The following DENND5A variants were observed in gnomAD, a reference collection of about 807,000 sequenced individuals.
The protein encoded by DENND5A is DENN domain containing 5A.
In DENND5A, 64 loss-of-function variants were observed where a neutral mutation model predicts 140.3. That is an observed-to-expected ratio of 0.46 (90% confidence interval 0.37 to 0.56). DENND5A has a LOEUF of 0.56. Among genes scored for constraint, DENND5A ranks in the 20% least tolerant of loss-of-function variants. DENND5A has a pLI of 0.00. For synonymous variants in DENND5A, 605 were observed against 607.7 expected (o/e 1.00, Z 0.07); for missense variants, 1,292 against 1,593.8 (o/e 0.81, Z 3.22).
At position 9,143,391 on chromosome 11, in the gene DENND5A, A is replaced by T; in HGVS notation, c.3387+12T>A. On this transcript the variant is annotated intron_variant, in intron 20 of 22. Coordinates refer to ENST00000328194, the MANE Select transcript of DENND5A (RefSeq NM_015213.4). ...AATGTAAGGCCCTGGATTGGAGGGCAGGAAGGCTCACCTCTTTCTCAGGCT... is the reference window on the plus strand; with the variant it reads ...AATGTAAGGCCCTGGATTGGAGGGCTGGAAGGCTCACCTCTTTCTCAGGCT... 6.2e-7 allele frequency: 1 copy of T among 1,611,592 alleles called. No individual in the cohort carries two copies. Among genetic ancestry groups the T allele is most frequent in the Non-Finnish European group, 8.5e-7 (1 of 1,177,656 alleles).
chr11:9,146,282 T>C lies in DENND5A; in HGVS notation c.2858-467A>G, dbSNP rs1847428976. On this transcript the variant is annotated intron_variant, in intron 16 of 22. Coordinates refer to ENST00000328194, the MANE Select transcript of DENND5A (RefSeq NM_015213.4). ...CTTCTAAATTCCAGTCCAGGGCTAC[T>C]TCTATTAAGCCCACAGCCCTAGTCT... 3.9e-5 allele frequency among the ~76,000 whole-genome samples: 6 copies of C among 152,220 alleles called. No individual in the cohort carries two copies. The South Asian group carries it at 1.2e-3, about 32-fold the overall frequency.
In DENND5A at chr11:9,145,073, T is replaced by C; in HGVS notation, c.3044A>G (p.His1015Arg). The C allele has an allele frequency of 6.2e-7, 1 of 1,614,128 alleles. No individual in the cohort carries two copies. The change falls in exon 18 of 23, where the codon CAT (histidine) becomes CGT (arginine). Residue 1015 changes from histidine to arginine, a missense_variant. By Grantham distance (29) the His-to-Arg change is conservative (BLOSUM62 0). Around this residue, in one of 4 missense-constraint regions of DENND5A, gnomAD observed 498 missense variants for 689.7 expected, o/e 0.72. Coordinates refer to ENST00000328194, the MANE Select transcript of DENND5A (RefSeq NM_015213.4). ...LGKLTTVQIG[H>R]DNSGLYAKWL... is the part of the protein sequence containing the mutation. ...TTTGGCATACAGCCCAGAGTTATCA[T>C]GGCCAATCTGGACAGTAGTAAGCTT...
chr11:9,198,378 C>T (rs924502121), intron 4 of DENND5A, among the ~76,000 whole-genome samples: 69 of 151,254 alleles, frequency 4.6e-4, no homozygotes, highest in African/African-American at 1.6e-3. Flanking sequence ...ACTTTGAGGC[C>T]GAGGCGGGTG....
intron 4 of DENND5A, among the ~76,000 whole-genome samples, chr11:9,198,163 C>T (rs2136202822): frequency 6.6e-6 from 1 of 152,224 alleles, no homozygotes; most frequent in South Asian, 2.1e-4. Context: ...TTTTAAAAGA[C>T]TCAGTAGTAC....
At chr11:9,150,031 T>C (rs770054330) in intron 15 of DENND5A, 50 bp downstream of exon 15, 13 of 1,566,604 alleles carry the variant, frequency 8.3e-6, no homozygotes, top group African/African-American at 1.4e-5. Flanking sequence ...TTCCAATCTC[T>C]TCCCTCCATT....
intron 21 of DENND5A, 122 bp downstream of exon 21, chr11:9,142,600 G>T (rs902465450): frequency 4.0e-6 from 5 of 1,262,328 alleles, no homozygotes; most frequent in Non-Finnish European, 5.5e-6. Context: ...GCAAACAAAT[G>T]AGATCTGAGA....
At chr11:9,220,509 T>C (rs1850267756) in intron 1 of DENND5A, among the ~76,000 whole-genome samples, 1 of 151,900 alleles carries the variant, frequency 6.6e-6, no homozygotes, top group African/African-American at 2.4e-5. Flanking sequence ...ATCATGCCAT[T>C]GCACTCCAGT....
intron 4 of DENND5A, among the ~76,000 whole-genome samples, chr11:9,199,489 C>T (rs561447935): frequency 6.6e-6 from 1 of 152,024 alleles, no homozygotes; most frequent in Admixed American, 6.5e-5. Context: ...CAGAATGAGA[C>T]CCTGTCTCAA....
chr11:9,149,379 T>G (rs534195680), intron 15 of DENND5A, among the ~76,000 whole-genome samples: 2 of 152,334 alleles, frequency 1.3e-5, no homozygotes, highest in African/African-American at 4.8e-5. Flanking sequence ...ATGCTCAGCC[T>G]TGGGAAAGGG....
chr11:9,253,642 C>T (rs1851822000), intron 1 of DENND5A, among the ~76,000 whole-genome samples: 1 of 151,998 alleles, frequency 6.6e-6, no homozygotes, highest in African/African-American at 2.4e-5. Context: ...GTGGCTTATA[C>T]CAATAATCCC....
chr11:9,141,678 C>T (rs545458149), intron 22 of DENND5A, among the ~76,000 whole-genome samples: 79 of 152,300 alleles, frequency 5.2e-4, no homozygotes, highest in Admixed American at 1.4e-3. Flanking sequence ...ATAAAAGGTA[C>T]AGTAAAAACA....
At chr11:9,154,165 T>C (rs1847726631) in intron 12 of DENND5A, among the ~76,000 whole-genome samples, 1 of 152,200 alleles carries the variant, frequency 6.6e-6, no homozygotes. Flanking sequence ...TGTCAGATGT[T>C]CAAAATACAA....
chr11:9,264,741 C>A (rs1002158679), intron 1 of DENND5A, among the ~76,000 whole-genome samples: 19 of 152,150 alleles, frequency 1.2e-4, no homozygotes, highest in Non-Finnish European at 2.8e-4. Context: ...GAAGACGTGG[C>A]CACTGCGCAG....
chr11:9,150,813 A>G (rs1847590456), intron 13 of DENND5A, 49 bp from the exon 14 acceptor site: 1 of 1,249,026 alleles, frequency 8.0e-7, no homozygotes, highest in East Asian at 2.4e-5. Flanking sequence ...ATATCCAAAT[A>G]GCTGACTGCC....
rs146191711 is a variant in DENND5A at position 9,148,570 on chromosome 11, G to A, written c.2736-1419C>T. ...GTAAGGAGACAGGTGGGACAGAGGT[G>A]AAGAACCTGAAACCTGTATGTGGGA... is the stretch of plus-strand genomic sequence containing the variant. On this transcript the variant is annotated intron_variant, in intron 15 of 22. Transcript: ENST00000328194. 2.3e-3 allele frequency among the ~76,000 whole-genome samples: 345 copies of A among 152,302 alleles called. 4 individuals are homozygous for A. The highest frequency in any genetic ancestry group is 8.1e-3 in the African/African-American group (336 of 41,562).
At chr11:9,214,192 A>G (rs573741497) in intron 1 of DENND5A, among the ~76,000 whole-genome samples, 1 of 152,264 alleles carries the variant, frequency 6.6e-6, no homozygotes, top group East Asian at 1.9e-4. Context: ...TACTGCTACC[A>G]ACTCACACTT....
At chr11:9,246,956 C>T (rs986411976) in intron 1 of DENND5A, among the ~76,000 whole-genome samples, 2 of 152,050 alleles carry the variant, frequency 1.3e-5, no homozygotes, top group African/African-American at 2.4e-5. Flanking sequence ...CTTGGCCGGG[C>T]GCGGTGGCTC....
chr11:9,221,066 A>G (rs1850293965), intron 1 of DENND5A, among the ~76,000 whole-genome samples: 1 of 152,012 alleles, frequency 6.6e-6, no homozygotes, highest in South Asian at 2.1e-4. Flanking sequence ...TGGATGAGAG[A>G]GCAAGACACT....
intron 4 of DENND5A, among the ~76,000 whole-genome samples, chr11:9,199,697 C>T (rs980034682): frequency 3.9e-5 from 6 of 152,176 alleles, no homozygotes; most frequent in Non-Finnish European, 8.8e-5. Context: ...AGCCTGCATT[C>T]CTTTTCCCTA....
Sources: gnomAD v4.1 joint callset for allele counts (sites outside exome capture counted in the v4.1 genomes callset) on GRCh38, gnomAD v4.1.1 for gene constraint, gnomAD v4.1.1 regional missense constraint, MANE v1.5 for transcripts, NCBI Gene and HGNC (gene_info 2026-07-23, HGNC 2026-07-21) for gene names.